SYN3: variants seen among roughly 807,000 people sequenced by gnomAD.
SYN3 encodes the protein synapsin-3.
In SYN3, 35 loss-of-function variants were observed where a neutral mutation model predicts 65.8. The ratio of observed to expected loss-of-function variants is 0.53; its 90% CI spans 0.41 to 0.70. SYN3 has a LOEUF of 0.70. Among genes scored for constraint, SYN3 ranks in the 30% least tolerant of loss-of-function variants. The pLI, the probability that SYN3 is intolerant of heterozygous loss-of-function variation, is 0.00. For missense variants in SYN3, 680 were observed against 749.0 expected, an observed-to-expected ratio of 0.91 and a Z score of 1.08; for synonymous variants, 270 against 292.9, an observed-to-expected ratio of 0.92 and a Z score of 0.80.
rs118084466 is a variant in SYN3, at chr22:32,574,539, T to C, written c.774+22135A>G. 1.4e-4 allele frequency among the ~76,000 whole-genome samples: 22 copies of C among 152,346 alleles called. 1 individual carries two copies. The East Asian group carries it at 4.2e-3, about 29-fold the overall frequency. On this transcript the variant is annotated intron_variant, in intron 7 of 13. Transcript: ENST00000358763. ...GCACCTGAACACAACCCACGCTTGC[T>C]AGTGTTTCATAACATGCACCTACAG...
chr22:32,953,773 C>CA (rs2051361672), intron 3 of SYN3, among the ~76,000 whole-genome samples: 1 of 152,108 alleles, frequency 6.6e-6, no homozygotes, highest in African/African-American at 2.4e-5. Context: ...TCACCAACAT[C>CA]ATCATCTCCA....
At position 33,013,056 on chromosome 22, in the gene SYN3, A is replaced by G. The variant is rs1050032585; in HGVS notation, c.-162-6232T>C. 2.0e-5 allele frequency among the ~76,000 whole-genome samples: 3 copies of G among 152,332 alleles called. No homozygotes were observed. In the South Asian group the frequency reaches 6.2e-4, roughly 32 times the overall value. On this transcript the variant is annotated intron_variant, in intron 1 of 13. Transcript: ENST00000358763. ...ACTGAGCCCCTTCCATTTTTCAAAT[A>G]CCAGATGGAAAAGTTAAAATGTTAG... is the stretch of plus-strand genomic sequence containing the variant.
rs150601149 is a variant in SYN3, at chr22:32,592,827, T to A, written c.774+3847A>T. Among the ~76,000 whole-genome samples the A allele has an allele frequency of 1.9e-3, 284 of 152,294 alleles. 1 individual carries two copies. The highest frequency in any genetic ancestry group is 6.6e-3 in the African/African-American group (276 of 41,574). ...CATATTTACACGACTATCTCTCCAA[T>A]TCCTTGAGGACAGGGACTGGGTCCT... On this transcript the variant is annotated intron_variant, in intron 7 of 13. Coordinates refer to ENST00000358763, the MANE Select transcript of SYN3 (RefSeq NM_003490.4).
At chr22:32,570,657 G>T (rs2058747303) in intron 7 of SYN3, among the ~76,000 whole-genome samples, 1 of 152,060 alleles carries the variant, frequency 6.6e-6, no homozygotes, top group African/African-American at 2.4e-5. Context: ...AGAAAAAACA[G>T]CTTAGAATCT....
chr22:32,581,693 A>G (rs1232054122), intron 7 of SYN3, among the ~76,000 whole-genome samples: 1 of 152,036 alleles, frequency 6.6e-6, no homozygotes, highest in African/African-American at 2.4e-5. Flanking sequence ...TTTTTAAATT[A>G]GTTGCCAATA....
intron 1 of SYN3, among the ~76,000 whole-genome samples, chr22:33,035,476 A>G (rs1204380528): frequency 6.6e-6 from 1 of 152,182 alleles, no homozygotes; most frequent in Non-Finnish European, 1.5e-5. Context: ...GGCCTCAGGC[A>G]TCTGCAAAGG....
chr22:32,986,722 C>G (rs1328647925), intron 2 of SYN3, among the ~76,000 whole-genome samples: 2 of 152,178 alleles, frequency 1.3e-5, no homozygotes, highest in Non-Finnish European at 2.9e-5. Context: ...AGGGCTCTGT[C>G]TCTCATGGCT....
intron 6 of SYN3, among the ~76,000 whole-genome samples, chr22:32,746,208 T>A (rs1298074864): frequency 6.6e-6 from 1 of 152,196 alleles, no homozygotes; most frequent in East Asian, 1.9e-4. Flanking sequence ...AGGTCCACGG[T>A]TGCAGCCTAA....
chr22:32,743,319 C>T (rs1225388877), intron 6 of SYN3, among the ~76,000 whole-genome samples: 1 of 152,150 alleles, frequency 6.6e-6, no homozygotes, highest in African/African-American at 2.4e-5. Flanking sequence ...GTCTCACCAG[C>T]AGAACGGAAA....
At chr22:32,908,137 G>A (rs2049952588) in intron 4 of SYN3, among the ~76,000 whole-genome samples, 1 of 151,772 alleles carries the variant, frequency 6.6e-6, no homozygotes, top group South Asian at 2.1e-4. Flanking sequence ...CCAGGCTGGA[G>A]TGCAGTGGCA....
At chr22:33,017,090 G>A (rs1199925441) in intron 1 of SYN3, among the ~76,000 whole-genome samples, 1 of 152,116 alleles carries the variant, frequency 6.6e-6, no homozygotes, top group Non-Finnish European at 1.5e-5. Flanking sequence ...TTTGTATGAT[G>A]TGAGATAAGG....
chr22:32,862,745 A>C (rs192181711), intron 6 of SYN3: 58 of 152,704 alleles, frequency 3.8e-4, no homozygotes, highest in African/African-American at 9.9e-4. Flanking sequence ...CTTGGAGAAT[A>C]GTTTTTGCTT....
chr22:32,979,158 A>G (rs1319699010), intron 3 of SYN3, among the ~76,000 whole-genome samples: 1 of 150,682 alleles, frequency 6.6e-6, no homozygotes, highest in Non-Finnish European at 1.5e-5. Flanking sequence ...ATTGCACTCC[A>G]GCCTGGGCAA....
chr22:32,862,714 G>C (rs189476805), intron 6 of SYN3: 1 of 152,644 alleles, frequency 6.6e-6, no homozygotes, highest in East Asian at 1.9e-4. Context: ...TGGCTCTTTG[G>C]AGGCGAGAGG....
chr22:32,965,543 C>CGTGTGTGTGTGT (rs10602672), intron 3 of SYN3, among the ~76,000 whole-genome samples: 6 of 147,242 alleles, frequency 4.1e-5, no homozygotes, highest in African/African-American at 1.3e-4. Flanking sequence ...ATGGTGCGTA[C>CGTGTGTGTGTGT]GTGTGTGTGT....
rs73156432 is a variant in SYN3 at position 32,728,528 on chromosome 22, G to A, written c.712-131792C>T. 4.0e-3 allele frequency among the ~76,000 whole-genome samples: 615 copies of A among 152,328 alleles called. 3 individuals carry two copies. Among genetic ancestry groups the A allele is most frequent in the East Asian group, 0.012 (62 of 5,176 alleles). The stretch of plus-strand genomic sequence containing the variant: ...GGCTCAAACATCAGTTTCTCAGAGA[G>A]GCTGACCTTGACCATGTATCTCAGT... On this transcript the variant is annotated intron_variant, in intron 6 of 13. Transcript: ENST00000358763.
chr22:32,917,088 C>T (rs2146613358), intron 4 of SYN3, among the ~76,000 whole-genome samples: 1 of 152,294 alleles, frequency 6.6e-6, no homozygotes, highest in East Asian at 1.9e-4. Context: ...AGAGCATTCA[C>T]TATATTTCAG....
chr22:32,790,181 T>C (rs1321241939), intron 6 of SYN3, among the ~76,000 whole-genome samples: 1 of 152,218 alleles, frequency 6.6e-6, no homozygotes, highest in Non-Finnish European at 1.5e-5. Flanking sequence ...TGCCAATTTC[T>C]GTGGTGTAAA....
intron 7 of SYN3, among the ~76,000 whole-genome samples, chr22:32,542,153 T>C (rs1426485607): frequency 6.6e-6 from 1 of 152,188 alleles, no homozygotes; most frequent in African/African-American, 2.4e-5. Context: ...GCCTGAATTT[T>C]CTGGAAAGCC....
Sources: gnomAD v4.1 joint callset for allele counts (sites outside exome capture counted in the v4.1 genomes callset) on GRCh38, gnomAD v4.1.1 for gene constraint, MANE v1.5 for transcripts, NCBI Gene and HGNC (gene_info 2026-07-23, HGNC 2026-07-21) for gene names.